PPME1: variants seen among roughly 807,000 people sequenced by gnomAD.
PPME1 encodes protein phosphatase methylesterase 1, also known as testicular secretory protein Li 39.
PPME1 carries 17 observed loss-of-function variants against 56.9 expected under a neutral mutation model. That is an observed-to-expected ratio of 0.30 (90% CI 0.20 to 0.45). The LOEUF (loss-of-function observed/expected upper bound fraction) is 0.45, where lower values mean the gene tolerates loss of function less well. Among genes scored for constraint, PPME1 ranks in the 20% least tolerant of loss-of-function variants. PPME1 has a pLI of 1.00. For missense variants in PPME1, 357 were observed against 483.2 expected, an observed-to-expected ratio of 0.74 and a Z score of 2.45; for synonymous variants, 122 against 156.2, an observed-to-expected ratio of 0.78 and a Z score of 1.63.
rs774488287 is a variant in PPME1, at chr11:74,247,074, T to C, written c.965-5T>C. On this transcript the variant is annotated splice_region_variant and splice_polypyrimidine_tract_variant and intron_variant, in intron 10 of 13. Coordinates refer to ENST00000328257, the MANE Select transcript of PPME1 (RefSeq NM_016147.3). ...TGTTTCACAATGAATTCTCTTGTTTTCTAGGTGTTGATAGATTGGATAAAG... is the reference window on the plus strand; with the variant it reads ...TGTTTCACAATGAATTCTCTTGTTTCCTAGGTGTTGATAGATTGGATAAAG... 1.9e-6 allele frequency: 3 copies of C among 1,609,736 alleles called. No individual in the cohort carries two copies. The highest frequency in any genetic ancestry group is 2.5e-6 in the Non-Finnish European group (3 of 1,177,288).
At chr11:74,187,599 C>T (rs1311316608) in intron 1 of PPME1, among the ~76,000 whole-genome samples, 2 of 151,950 alleles carry the variant, frequency 1.3e-5, no homozygotes, top group South Asian at 2.1e-4. Context: ...TTTCTGAAAC[C>T]CTACTGAAAT....
At chr11:74,174,368 A>G (rs1025454834) in intron 1 of PPME1, among the ~76,000 whole-genome samples, 5 of 152,184 alleles carry the variant, frequency 3.3e-5, no homozygotes, top group Admixed American at 6.5e-5. Flanking sequence ...ACTCATTTGC[A>G]TATAATCTAG....
Position 74,222,348 on chromosome 11 carries a change from G to T in PPME1, c.325G>T (p.Ala109Ser). 6.2e-7 allele frequency: 1 copy of T among 1,611,968 alleles called. No homozygotes were observed. Among genetic ancestry groups the T allele is most frequent in the Non-Finnish European group, 8.5e-7 (1 of 1,178,170 alleles). The change falls in exon 4 of 14, where the codon GCT (alanine) becomes TCT (serine). Residue 109 changes from alanine to serine, a missense_variant. Ala to Ser is a moderately conservative substitution (Grantham distance 99). This residue lies in a region of PPME1 where 175 missense variants were observed against 189.4 expected (regional missense o/e 0.92). Transcript: ENST00000328257. ...TAGTAGAGTTCAGTGTAGGATTGTA[G>T]CTTTGGATCTGCGAAGTCATGGTGA... ...IISRVQCRIV[A>S]LDLRSHGETK...
At position 74,253,593 on chromosome 11, in the gene PPME1, T is replaced by C; in HGVS notation, c.*83T>C. The stretch of plus-strand genomic sequence containing the variant: ...AGGCCACTGTGATGCCACTGTCTCC[T>C]CTCCATCCCGCCCAGCCATGTGACA... On this transcript the variant is annotated 3_prime_UTR_variant, in exon 14 of 14. Transcript: ENST00000328257. 1 of 1,457,254 alleles carries C rather than the reference T, an allele frequency of 6.9e-7. No homozygotes were observed. Among genetic ancestry groups the C allele is most frequent in the Non-Finnish European group, 9.6e-7 (1 of 1,038,262 alleles). The allele number at this position is 1,457,254 out of a possible 1,614,324, so 90.3% of individuals were successfully genotyped here. A position where few individuals can be genotyped will look rare whatever the true frequency, so the allele number is the denominator to read the frequency against.
In PPME1 at chr11:74,253,623, C is replaced by T; in HGVS notation, c.*113C>T. On this transcript the variant is annotated 3_prime_UTR_variant, in exon 14 of 14. Coordinates refer to ENST00000328257, the MANE Select transcript of PPME1 (RefSeq NM_016147.3). Reference sequence around the variant, plus strand: ...ATCCCGCCCAGCCATGTGACACTGGCTCCCGGTAGACGGGCACCCCGAGAT... The same window carrying T: ...ATCCCGCCCAGCCATGTGACACTGGTTCCCGGTAGACGGGCACCCCGAGAT... 8.1e-7 allele frequency: 1 copy of T among 1,233,244 alleles called. No individual in the cohort carries two copies. The highest frequency in any genetic ancestry group is 1.7e-5 in the Admixed American group (1 of 57,798). 76.4% of individuals were successfully genotyped at this position (1,233,244 alleles called of 1,614,324 possible). A position where few individuals can be genotyped will look rare whatever the true frequency, so the allele number is the denominator to read the frequency against.
At chr11:74,236,101 G>A (rs1859183379) in intron 8 of PPME1, 135 bp downstream of exon 8, 2 of 1,364,998 alleles carry the variant, frequency 1.5e-6, no homozygotes, top group Admixed American at 2.7e-5. Context: ...TTTTAAAGGT[G>A]AGTTCAGTTG....
chr11:74,237,226 A>T (rs1282426907), intron 8 of PPME1, among the ~76,000 whole-genome samples: 1 of 149,850 alleles, frequency 6.7e-6, no homozygotes, highest in Non-Finnish European at 1.5e-5. Flanking sequence ...AGAATACTTG[A>T]TAGGTGATGT....
At chr11:74,233,786 C>T (rs905094955) in intron 7 of PPME1, among the ~76,000 whole-genome samples, 1 of 152,168 alleles carries the variant, frequency 6.6e-6, no homozygotes, top group South Asian at 2.1e-4. Context: ...CATGCCACTG[C>T]ACTTCAGCCT....
intron 3 of PPME1, among the ~76,000 whole-genome samples, chr11:74,219,364 T>C (rs1438254817): frequency 6.6e-6 from 1 of 150,664 alleles, no homozygotes; most frequent in Non-Finnish European, 1.5e-5. Flanking sequence ...AAAATAGAAC[T>C]ACCGTATAAT....
intron 1 of PPME1, among the ~76,000 whole-genome samples, chr11:74,189,050 G>A (rs184995076): frequency 6.1e-4 from 93 of 152,170 alleles, no homozygotes; most frequent in African/African-American, 2.0e-3. Flanking sequence ...TTTTATCAAT[G>A]CACTTCAAAA....
At chr11:74,246,650 T>C (rs1487959830) in intron 10 of PPME1, among the ~76,000 whole-genome samples, 4 of 152,114 alleles carry the variant, frequency 2.6e-5, no homozygotes, top group Admixed American at 1.3e-4. Flanking sequence ...ACCAAATGAG[T>C]AGTGACATCC....
rs768463464 is a variant in PPME1 at position 74,171,384 on chromosome 11, C to T, written c.-38C>T. 4 of 1,583,920 alleles carry T rather than the reference C, an allele frequency of 2.5e-6. No homozygotes were observed. The highest frequency in any genetic ancestry group is 1.8e-5 in the Admixed American group (1 of 55,762). ...CCACACTCAACGTGGGACGAAGCTT[C>T]GCCTACTGTTTGACTACGTGCGTGC... is the stretch of plus-strand genomic sequence containing the variant. On this transcript the variant is annotated 5_prime_UTR_variant, in exon 1 of 14. Coordinates refer to ENST00000328257, the MANE Select transcript of PPME1 (RefSeq NM_016147.3).
chr11:74,195,972 A>G lies in PPME1; in HGVS notation c.102-7756A>G, dbSNP rs76903045. On this transcript the variant is annotated intron_variant, in intron 1 of 13. Coordinates refer to ENST00000328257, the MANE Select transcript of PPME1 (RefSeq NM_016147.3). The stretch of plus-strand genomic sequence containing the variant: ...CTGGAAAAAAGCAAAAAGTTGTACA[A>G]GAAGTACAATTGGTATACCATGTGG... Among the ~76,000 whole-genome samples the G allele has an allele frequency of 4.3e-3, 652 of 152,364 alleles. 4 individuals are homozygous for G. The highest frequency in any genetic ancestry group is 0.015 in the African/African-American group (628 of 41,596).
chr11:74,186,152 G>T (rs1472193042), intron 1 of PPME1, among the ~76,000 whole-genome samples: 1 of 152,200 alleles, frequency 6.6e-6, no homozygotes, highest in African/African-American at 2.4e-5. Flanking sequence ...AAGGCCTTCT[G>T]TATTCTCTGT....
intron 9 of PPME1, among the ~76,000 whole-genome samples, chr11:74,240,784 T>C (rs561274717): frequency 8.5e-5 from 13 of 152,148 alleles, no homozygotes; most frequent in Non-Finnish European, 1.3e-4. Flanking sequence ...GTTAAGAGAC[T>C]TGCCCAAGGT....
intron 1 of PPME1, among the ~76,000 whole-genome samples, chr11:74,187,048 A>G (rs943347043): frequency 2.6e-5 from 4 of 152,304 alleles, no homozygotes; most frequent in African/African-American, 7.2e-5. Context: ...TCAAAAGTCA[A>G]TTGACCATAA....
At chr11:74,236,154 T>C (rs1350051193) in intron 8 of PPME1, among the ~76,000 whole-genome samples, 188 bp downstream of exon 8, 1 of 152,244 alleles carries the variant, frequency 6.6e-6, no homozygotes, top group African/African-American at 2.4e-5. Context: ...CTTTCTCTCC[T>C]TCCTTTCCTT....
intron 1 of PPME1, among the ~76,000 whole-genome samples, chr11:74,195,988 T>A (rs1857970149): frequency 6.6e-6 from 1 of 152,214 alleles, no homozygotes; most frequent in South Asian, 2.1e-4. Context: ...ACAATTGGTA[T>A]ACCATGTGGC....
Position 74,171,457 on chromosome 11 carries a change from C to G in PPME1, c.36C>G (p.Arg12=), listed in dbSNP as rs911251271. 6.2e-7 allele frequency: 1 copy of G among 1,613,338 alleles called. No individual in the cohort carries two copies. Among genetic ancestry groups the G allele is most frequent in the Non-Finnish European group, 8.5e-7 (1 of 1,179,742 alleles). The change falls in exon 1 of 14, where the codon CGC becomes CGG. Residue 12 remains arginine (R), a synonymous_variant. Coordinates refer to ENST00000328257, the MANE Select transcript of PPME1 (RefSeq NM_016147.3). ...TCGAAAAGAGCATGCACCTCGGCCG[C>G]CTTCCCTCTCGCCCACCTCTACCCG... ...SALEKSMHLG[R]LPSRPPLPGS...
Sources: gnomAD v4.1 joint callset for allele counts (sites outside exome capture counted in the v4.1 genomes callset) on GRCh38, gnomAD v4.1.1 for gene constraint, gnomAD v4.1.1 regional missense constraint, MANE v1.5 for transcripts, NCBI Gene and HGNC (gene_info 2026-07-23, HGNC 2026-07-21) for gene names.